Variants in RFX4 observed in about 807,000 individuals in gnomAD.
RFX4 encodes transcription factor RFX4.
In RFX4, 10 loss-of-function variants were observed where a neutral mutation model predicts 95.0. The observed-to-expected ratio is 0.11, with a 90% CI of 0.06 to 0.18. RFX4 has a LOEUF of 0.18. RFX4 is among the 10% of genes least tolerant of loss of function. The pLI, the probability that RFX4 is intolerant of heterozygous loss-of-function variation, is 1.00. For synonymous variants in RFX4, 321 were observed against 340.7 expected (o/e 0.94, Z 0.64); for missense variants, 640 against 922.0 (o/e 0.69, Z 3.96).
At chr12:106,668,230 G>A (rs1044207384) in intron 4 of RFX4, among the ~76,000 whole-genome samples, 3 of 152,116 alleles carry the variant, frequency 2.0e-5, no homozygotes, top group Non-Finnish European at 2.9e-5. Context: ...GGTCCAAAAT[G>A]ACTGCTAGAC....
At chr12:106,681,759 G>C (rs1189636397) in intron 4 of RFX4, among the ~76,000 whole-genome samples, 1 of 152,110 alleles carries the variant, frequency 6.6e-6, no homozygotes, top group East Asian at 1.9e-4. Flanking sequence ...GTAGGACGGG[G>C]TGAAGCATAG....
intron 3 of RFX4, among the ~76,000 whole-genome samples, chr12:106,653,776 T>C (rs1349126863): frequency 1.3e-5 from 2 of 152,188 alleles, no homozygotes; most frequent in African/African-American, 4.8e-5. Flanking sequence ...TCCCCCTCCA[T>C]AGCATTTGTC....
chr12:106,753,681 G>GGGT (rs1363751542), intron 17 of RFX4, among the ~76,000 whole-genome samples: 2 of 151,814 alleles, frequency 1.3e-5, no homozygotes, highest in African/African-American at 4.9e-5. Flanking sequence ...CCTGCCTGAG[G>GGGT]GGTTGAACCC....
chr12:106,595,760 G>T (rs1015309610), intron 1 of RFX4, among the ~76,000 whole-genome samples: 2 of 152,184 alleles, frequency 1.3e-5, no homozygotes, highest in Non-Finnish European at 2.9e-5. Context: ...GCATGTTACA[G>T]TCTATAATCA....
At chr12:106,753,755 T>C (rs2043057065) in intron 17 of RFX4, among the ~76,000 whole-genome samples, 1 of 152,188 alleles carries the variant, frequency 6.6e-6, no homozygotes, top group South Asian at 2.1e-4. Context: ...GATGCAGGCA[T>C]TCACTAAGTG....
chr12:106,712,936 C>T (rs941287642), intron 10 of RFX4, among the ~76,000 whole-genome samples: 6 of 152,154 alleles, frequency 3.9e-5, no homozygotes, highest in African/African-American at 1.4e-4. Context: ...GACTTTGTTC[C>T]TTTAATGCAC....
chr12:106,742,176 T>C (rs1182784266), intron 15 of RFX4, among the ~76,000 whole-genome samples: 1 of 152,184 alleles, frequency 6.6e-6, no homozygotes, highest in Non-Finnish European at 1.5e-5. Context: ...GTTTTTGTTG[T>C]TGTTGTTGTT....
chr12:106,758,516 ACT>A (rs1199336560), intron 17 of RFX4, among the ~76,000 whole-genome samples: 1 of 151,694 alleles, frequency 6.6e-6, no homozygotes, highest in Non-Finnish European at 1.5e-5. Flanking sequence ...AAAAAGCCAC[ACT>A]CTCTCGGGTT....
At chr12:106,669,839 G>GTGTGTGT (rs1565972599) in intron 4 of RFX4, among the ~76,000 whole-genome samples, 17,293 of 143,138 alleles carry the variant, frequency 0.12, 1,208 homozygotes, top group Non-Finnish European at 0.15. Context: ...TTTTTCTAGG[G>GTGTGTGT]GTGTGTGTGT....
At chr12:106,700,871 A>G (rs991431235) in intron 8 of RFX4, among the ~76,000 whole-genome samples, 1 of 152,248 alleles carries the variant, frequency 6.6e-6, no homozygotes, top group African/African-American at 2.4e-5. Flanking sequence ...CTAAAACATT[A>G]TAACTATTTT....
chr12:106,636,807 G>A (rs999785178), intron 2 of RFX4, among the ~76,000 whole-genome samples: 2 of 152,166 alleles, frequency 1.3e-5, no homozygotes, highest in African/African-American at 2.4e-5. Context: ...CATTGTTTGG[G>A]TTGGTTCAAC....
intron 15 of RFX4, among the ~76,000 whole-genome samples, chr12:106,734,461 T>C (rs552567338): frequency 1.3e-5 from 2 of 152,040 alleles, no homozygotes; most frequent in African/African-American, 4.8e-5. Flanking sequence ...CCGGGCATGG[T>C]AGCACATGCC....
At chr12:106,602,099 C>T (rs1009885181) in intron 1 of RFX4, among the ~76,000 whole-genome samples, 2 of 152,270 alleles carry the variant, frequency 1.3e-5, no homozygotes, top group South Asian at 2.1e-4. Context: ...ACCCCAGCCT[C>T]GGAGTCAGGC....
rs116613701 is a variant in RFX4 at position 106,667,967 on chromosome 12, C to T, written c.315+13616C>T. 3.0e-4 allele frequency among the ~76,000 whole-genome samples: 46 copies of T among 152,172 alleles called. 1 individual carries two copies. The highest frequency in any genetic ancestry group is 9.9e-4 in the African/African-American group (41 of 41,524). ...AACACTGGAGCATTCTCTATAAAGT[C>T]GATCCTAGGTGGAAACCAGAAGGTC... On this transcript the variant is annotated intron_variant, in intron 4 of 17. Coordinates refer to ENST00000392842, the MANE Select transcript of RFX4 (RefSeq NM_213594.3).
intron 1 of RFX4, among the ~76,000 whole-genome samples, chr12:106,603,209 A>C (rs1166877595): frequency 6.6e-6 from 1 of 152,224 alleles, no homozygotes; most frequent in Non-Finnish European, 1.5e-5. Context: ...TGCCAGGTCA[A>C]TATGGGTTTG....
Position 106,686,920 on chromosome 12 carries a change from C to T in RFX4, c.414C>T (p.Ser138=), listed in dbSNP as rs1253750041. The T allele has an allele frequency of 6.2e-7, 1 of 1,613,564 alleles. No individual in the cohort carries two copies. The highest frequency in any genetic ancestry group is 8.5e-7 in the Non-Finnish European group (1 of 1,179,928). The change falls in exon 6 of 18, where the codon TCC becomes TCT. Residue 138 remains serine, a synonymous_variant. Coordinates refer to ENST00000392842, the MANE Select transcript of RFX4 (RefSeq NM_213594.3). The part of the protein sequence containing the change: ...HYYGIAVKES[S]QYYDVMYSKK... The stretch of plus-strand genomic sequence containing the variant: ...ATGGCATTGCAGTGAAAGAAAGCTC[C>T]CAATATTATGATGTGATGTATTCCA...
intron 4 of RFX4, among the ~76,000 whole-genome samples, chr12:106,660,627 G>A (rs1006421890): frequency 6.6e-6 from 1 of 152,100 alleles, no homozygotes; most frequent in African/African-American, 2.4e-5. Context: ...TGCTTTCCAA[G>A]CATTTGTAAG....
intron 2 of RFX4, 49 bp from the exon 3 acceptor site, chr12:106,639,283 T>C: frequency 1.3e-6 from 2 of 1,528,002 alleles, no homozygotes; most frequent in Non-Finnish European, 1.8e-6. Flanking sequence ...CTTTTACTTT[T>C]TCCTACTGTT....
chr12:106,751,350 G>A (rs1000338694), intron 17 of RFX4, among the ~76,000 whole-genome samples: 1 of 141,390 alleles, frequency 7.1e-6, no homozygotes, highest in Non-Finnish European at 1.5e-5. Context: ...TGGACATTTG[G>A]GTTGGTTCCA....
Sources: allele counts gnomAD v4.1 joint callset (sites outside exome capture counted in the v4.1 genomes callset), GRCh38; gene constraint gnomAD v4.1.1; transcripts MANE v1.5; gene names NCBI Gene and HGNC (gene_info 2026-07-23, HGNC 2026-07-21).